PXDN: variants seen among roughly 807,000 people sequenced by gnomAD.
PXDN encodes the protein peroxidasin homolog.
Under a neutral mutation model 140.3 loss-of-function variants are expected in PXDN, and 77 were observed. The ratio of observed to expected loss-of-function variants is 0.55; its 90% CI spans 0.46 to 0.66. The LOEUF (loss-of-function observed/expected upper bound fraction) is 0.66, where lower values mean the gene tolerates loss of function less well. PXDN is among the 30% of genes least tolerant of loss of function. PXDN has a pLI of 0.00. For synonymous variants in PXDN, 911 were observed against 857.4 expected, an observed-to-expected ratio of 1.06 and a Z score of -1.09; for missense variants, 1,838 against 2,039.5, an observed-to-expected ratio of 0.90 and a Z score of 1.90.
chr2:1,675,971 G>T (rs941629231), intron 8 of PXDN, among the ~76,000 whole-genome samples: 4 of 152,182 alleles, frequency 2.6e-5, no homozygotes, highest in Admixed American at 6.5e-5. Context: ...AGGCAGATGG[G>T]AGAAGGTAGG....
At chr2:1,710,971 A>C in intron 1 of PXDN, among the ~76,000 whole-genome samples, 1 of 69,148 alleles carries the variant, frequency 1.4e-5, no homozygotes, top group African/African-American at 5.1e-5. Context: ...CCCACTCTCC[A>C]CCAGCACCCG....
intron 8 of PXDN, chr2:1,676,487 T>G (rs894293607): frequency 5.6e-6 from 1 of 179,984 alleles, no homozygotes; most frequent in Non-Finnish European, 1.2e-5. Flanking sequence ...CGCTCCAGGC[T>G]CCTGAGGACG....
rs1682422522 is a variant in PXDN, at chr2:1,632,048, G to C, written c.*2156C>G. The C allele has an allele frequency of 6.6e-6, 1 of 152,630 alleles. No individual in the cohort carries two copies. The highest frequency in any genetic ancestry group is 1.5e-5 in the Non-Finnish European group (1 of 68,052). The allele number at this position is 152,630 out of a possible 1,614,324, so 9.5% of individuals were successfully genotyped here. On this transcript the variant is annotated 3_prime_UTR_variant, in exon 23 of 23. Coordinates refer to ENST00000252804, the MANE Select transcript of PXDN (RefSeq NM_012293.3). This position sits in a 1 kb window ranked among gnomAD's most constrained non-coding sequence, Gnocchi z 4.3. ...ATATGTACATTCCACTCCTGTTACAGCGATCCCGCACAGTGGCTGCTAGAC... is the reference window on the plus strand; with the variant it reads ...ATATGTACATTCCACTCCTGTTACACCGATCCCGCACAGTGGCTGCTAGAC...
In PXDN at chr2:1,683,723, A is replaced by G; in HGVS notation, c.493T>C (p.Leu165=). Residue 165 remains leucine, a synonymous_variant, in exon 6 of 23, where the codon TTG becomes CTG. Transcript: ENST00000252804. ...AAATGTGTAATCCGGTTGTTATGCA[A>G]AAATCTGTTGAAAGAGATTTTATAA... ...QHLPKLERLF[L]HNNRITHLVP... is the part of the protein sequence containing the mutation. The G allele has an allele frequency of 6.2e-7, 1 of 1,600,598 alleles. No homozygotes were observed. The highest frequency in any genetic ancestry group is 8.5e-7 in the Non-Finnish European group (1 of 1,175,148).
At chr2:1,689,408 T>A (rs1483368661) in intron 3 of PXDN, among the ~76,000 whole-genome samples, 1 of 152,210 alleles carries the variant, frequency 6.6e-6, no homozygotes, top group Non-Finnish European at 1.5e-5. Flanking sequence ...TTTTAAAGAA[T>A]ACACAGGACA....
chr2:1,641,748 C>A (rs1225305960), intron 19 of PXDN, among the ~76,000 whole-genome samples: 1 of 152,324 alleles, frequency 6.6e-6, no homozygotes, highest in East Asian at 1.9e-4. Context: ...GGAACAAAGA[C>A]TGGCTTTAAA....
rs1274613275 is a variant in PXDN, at chr2:1,651,013, C to T, written c.2105-1338G>A. 6.6e-6 allele frequency among the ~76,000 whole-genome samples: 1 copy of T among 152,058 alleles called. No individual in the cohort carries two copies. The highest frequency in any genetic ancestry group is 1.5e-5 in the Non-Finnish European group (1 of 68,012). ...GGGGAGAATAAGTCAGAAACACACA[C>T]CCTGGTGTGTTGGGTGGGAAAGGTC... On this transcript the variant is annotated intron_variant, in intron 16 of 22. Coordinates refer to ENST00000252804, the MANE Select transcript of PXDN (RefSeq NM_012293.3). The surrounding 1 kb of genome is among the most constrained non-coding windows in gnomAD (Gnocchi z 4.4).
chr2:1,718,832 A>T (rs946275104), intron 1 of PXDN, among the ~76,000 whole-genome samples: 3 of 152,256 alleles, frequency 2.0e-5, no homozygotes, highest in African/African-American at 7.2e-5. Context: ...AAACAGGCTG[A>T]GGAAGAAATG....
intron 2 of PXDN, 99 bp downstream of exon 2, chr2:1,692,964 C>T (rs1042449468): frequency 3.3e-6 from 4 of 1,207,904 alleles, no homozygotes; most frequent in Non-Finnish European, 4.7e-6. Flanking sequence ...CTTTTCCCCA[C>T]CCAAGCCCAC....
rs1346649475 is a variant in PXDN, at chr2:1,673,909, CA to C, written c.849-98del. 23 of 1,364,904 alleles carry C rather than the reference CA, an allele frequency of 1.7e-5. No individual in the cohort carries two copies. The East Asian group carries it at 4.0e-4, about 24-fold the overall frequency. The allele number at this position is 1,364,904 out of a possible 1,614,324, so 84.5% of individuals were successfully genotyped here. On this transcript the variant is annotated intron_variant, in intron 8 of 22. Transcript: ENST00000252804. Reference sequence around the variant, plus strand: ...GGGGTTTCCAGCCCTGCAGCAGGCACAACTTGTGCGAGGAACAGCTCACCTT... The same window carrying C: ...GGGGTTTCCAGCCCTGCAGCAGGCACACTTGTGCGAGGAACAGCTCACCTT...
intron 14 of PXDN, among the ~76,000 whole-genome samples, chr2:1,657,288 C>A (rs970126107): frequency 6.7e-6 from 1 of 149,718 alleles, no homozygotes; most frequent in Non-Finnish European, 1.5e-5. Context: ...CTGAAACCAG[C>A]CCCCTCCTGA....
At chr2:1,743,000 G>T (rs1270127665) in intron 1 of PXDN, among the ~76,000 whole-genome samples, 1 of 152,238 alleles carries the variant, frequency 6.6e-6, no homozygotes, top group Non-Finnish European at 1.5e-5. Context: ...CTCTGGCTCA[G>T]CTAAGAAACG....
chr2:1,673,833 T>C (rs1683634283), intron 8 of PXDN, 21 bp from the exon 9 acceptor site: 2 of 1,613,432 alleles, frequency 1.2e-6, no homozygotes, highest in African/African-American at 2.7e-5. Context: ...AGAAATATGG[T>C]CTGGTCAAGT....
intron 1 of PXDN, among the ~76,000 whole-genome samples, chr2:1,698,792 C>G (rs6739349): frequency 1.3e-5 from 2 of 151,900 alleles, no homozygotes; most frequent in East Asian, 1.9e-4. Flanking sequence ...GGAACGTCGA[C>G]GCCAACACAA....
At chr2:1,705,085 G>C (rs1456545163) in intron 1 of PXDN, among the ~76,000 whole-genome samples, 1 of 146,838 alleles carries the variant, frequency 6.8e-6, no homozygotes, top group African/African-American at 2.6e-5. Context: ...CCCTGATGTC[G>C]CCCGGCACTG....
At position 1,639,050 on chromosome 2, in the gene PXDN, T is replaced by C. The variant is rs1303309254; in HGVS notation, c.4074-72A>G. On this transcript the variant is annotated intron_variant, in intron 20 of 22. Transcript: ENST00000252804. This position sits in a 1 kb window ranked among gnomAD's most constrained non-coding sequence, Gnocchi z 5.0. ...TCACGCCGGGTCTCATTTCAAGGTT[T>C]CCTGGGTGTGCACCGCCCCTGATGC... 1 of 435,632 alleles carries C rather than the reference T, an allele frequency of 2.3e-6. No individual in the cohort carries two copies. Among genetic ancestry groups the C allele is most frequent in the African/African-American group, 4.4e-5 (1 of 22,658 alleles). The allele number at this position is 435,632 out of a possible 1,614,324, so 27.0% of individuals were successfully genotyped here.
chr2:1,636,074 C>A, intron 21 of PXDN: 2 of 218,562 alleles, frequency 9.2e-6, no homozygotes, highest in South Asian at 7.6e-5. Context: ...AATGCCTGGG[C>A]CATGAGGTGA....
At chr2:1,650,928 C>G (rs769389054) in intron 16 of PXDN, among the ~76,000 whole-genome samples, 1 of 151,954 alleles carries the variant, frequency 6.6e-6, no homozygotes, top group African/African-American at 2.4e-5. Context: ...TGTGGGGGAG[C>G]GGTGTCCATA....
intron 1 of PXDN, among the ~76,000 whole-genome samples, chr2:1,731,152 G>GCACACGCACA (rs1685304935): frequency 7.4e-6 from 1 of 135,968 alleles, no homozygotes. Context: ...GAGCGCGCGC[G>GCACACGCACA]CACACACACA....
Sources: allele counts gnomAD v4.1 joint callset (sites outside exome capture counted in the v4.1 genomes callset), GRCh38; gene constraint gnomAD v4.1.1; non-coding constraint Gnocchi (gnomAD v3.1); transcripts MANE v1.5; gene names NCBI Gene and HGNC (gene_info 2026-07-23, HGNC 2026-07-21).